Variants in EHMT1 observed in about 807,000 individuals in gnomAD.
EHMT1 encodes the protein histone-lysine N-methyltransferase EHMT1.
In EHMT1, 15 loss-of-function variants were observed where a neutral mutation model predicts 147.2. The observed-to-expected ratio is 0.10, with a 90% confidence interval of 0.07 to 0.16. The LOEUF is 0.16. EHMT1 is among the 10% of genes least tolerant of loss of function. EHMT1 has a pLI of 1.00. For missense variants in EHMT1, 1,587 were observed against 1,772.4 expected (o/e 0.90, Z 1.88); for synonymous variants, 795 against 709.6 (o/e 1.12, Z -1.91).
intron 25 of EHMT1, among the ~76,000 whole-genome samples, chr9:137,825,211 T>C (rs1420337003): frequency 6.6e-6 from 1 of 152,204 alleles, no homozygotes; most frequent in African/African-American, 2.4e-5. Flanking sequence ...CCTCACATTC[T>C]GTGGGCCAGA....
intron 4 of EHMT1, among the ~76,000 whole-genome samples, chr9:137,729,696 A>G (rs998127044): frequency 6.6e-6 from 1 of 152,152 alleles, no homozygotes; most frequent in African/African-American, 2.4e-5. Flanking sequence ...ACATGGCACA[A>G]TCTCGCCCCC....
At chr9:137,738,149 G>A (rs111478053) in intron 4 of EHMT1, among the ~76,000 whole-genome samples, 2,974 of 151,516 alleles carry the variant, frequency 0.02, 111 homozygotes, top group African/African-American at 0.068. Context: ...AGCCGAGATC[G>A]GACCACTGCA....
At chr9:137,645,507 A>G (rs975461446) in intron 1 of EHMT1, among the ~76,000 whole-genome samples, 10 of 152,198 alleles carry the variant, frequency 6.6e-5, no homozygotes, top group African/African-American at 1.4e-4. Context: ...CTTGTGTCCT[A>G]GTTTTGAGAA....
chr9:137,824,366 A>G lies in EHMT1; in HGVS notation c.3540+6228A>G, dbSNP rs568789888. 4.6e-5 allele frequency among the ~76,000 whole-genome samples: 7 copies of G among 152,236 alleles called. No individual in the cohort carries two copies. In the South Asian group the frequency reaches 1.5e-3, roughly 32 times the overall value. On this transcript the variant is annotated intron_variant, in intron 25 of 26. Coordinates refer to ENST00000460843, the MANE Select transcript of EHMT1 (RefSeq NM_024757.5). ...GTCTGGACCATGTTTTGTTCCTTTG[A>G]TCTATTTGCTGATCCTCAAACAATG...
intron 19 of EHMT1, 107 bp downstream of exon 19, chr9:137,811,722 G>A (rs946139208): frequency 7.0e-7 from 1 of 1,432,196 alleles, no homozygotes; most frequent in Non-Finnish European, 9.6e-7. Context: ...AGTGGACACA[G>A]GCCCTCTGTT....
chr9:137,832,054 C>G (rs1218104168), intron 25 of EHMT1, among the ~76,000 whole-genome samples: 1 of 151,654 alleles, frequency 6.6e-6, no homozygotes, highest in Non-Finnish European at 1.5e-5. Context: ...TGGCTGGGCT[C>G]CCTCCACAGG....
intron 1 of EHMT1, among the ~76,000 whole-genome samples, chr9:137,653,853 TAAGC>T (rs2133981127): frequency 6.6e-6 from 1 of 152,154 alleles, no homozygotes; most frequent in East Asian, 1.9e-4. Flanking sequence ...GTGCATAAAA[TAAGC>T]AAAGTGATTT....
chr9:137,812,866 T>C, intron 19 of EHMT1, 140 bp from the exon 20 acceptor site: 1 of 1,186,976 alleles, frequency 8.4e-7, no homozygotes. Context: ...GAGTCATTGC[T>C]GAGCAGACTT....
At chr9:137,628,315 T>C (rs1705853229) in intron 1 of EHMT1, among the ~76,000 whole-genome samples, 1 of 152,248 alleles carries the variant, frequency 6.6e-6, no homozygotes, top group Admixed American at 6.5e-5. Flanking sequence ...GGATTTCACA[T>C]GTCTTGGGGT....
At chr9:137,825,092 AG>A (rs1340499437) in intron 25 of EHMT1, among the ~76,000 whole-genome samples, 1 of 152,218 alleles carries the variant, frequency 6.6e-6, no homozygotes, top group East Asian at 1.9e-4. Context: ...CTGCAGGATG[AG>A]GCCTCTGCTT....
chr9:137,808,243 CTG>C (rs150107113), intron 18 of EHMT1, among the ~76,000 whole-genome samples: 6,384 of 152,210 alleles, frequency 0.042, 432 homozygotes, highest in African/African-American at 0.14. Context: ...GACCCACTTC[CTG>C]CCGGAAGTGC....
At chr9:137,800,584 C>T (rs1953389878) in intron 17 of EHMT1, 4 of 480,412 alleles carry the variant, frequency 8.3e-6, no homozygotes, top group East Asian at 3.9e-5. Flanking sequence ...TGGTGCGTCC[C>T]CAGTGAGTGG....
intron 15 of EHMT1, chr9:137,784,843 A>C (rs943964736): frequency 2.0e-5 from 3 of 153,062 alleles, no homozygotes; most frequent in African/African-American, 4.8e-5. Context: ...GGAGCCACGG[A>C]GGCTGCTGGG....
chr9:137,814,056 GCCCCCCCCCCCCC>G lies in EHMT1; in HGVS notation c.3181-372_3181-360del, dbSNP rs71387862. Among the ~76,000 whole-genome samples, 20 of 50,062 alleles carry G rather than the reference GCCCCCCCCCCCCC, an allele frequency of 4.0e-4. 1 individual carries two copies. The highest frequency in any genetic ancestry group is 6.4e-4 in the South Asian group (1 of 1,562). 32.8% of individuals were successfully genotyped at this position (50,062 alleles called of 152,430 possible). On this transcript the variant is annotated intron_variant, in intron 21 of 26. Coordinates refer to ENST00000460843, the MANE Select transcript of EHMT1 (RefSeq NM_024757.5). ...TCTTCCCAGGCCGGGCACTGCCCAG[GCCCCCCCCCCCCC>G]CCGCCCCCCGCCCCACAAGGTGTGT... is the stretch of plus-strand genomic sequence containing the variant.
intron 6 of EHMT1, chr9:137,745,631 C>A: frequency 2.5e-6 from 1 of 398,334 alleles, no homozygotes; most frequent in South Asian, 1.3e-4. Flanking sequence ...AGCAGCTACC[C>A]CAGCAGCTGC....
At position 137,811,504 on chromosome 9, in the gene EHMT1, T is replaced by A. The variant is rs755525365; in HGVS notation, c.2756T>A (p.Val919Glu). The A allele has an allele frequency of 1.2e-6, 2 of 1,612,190 alleles. No individual in the cohort carries two copies. The highest frequency in any genetic ancestry group is 4.5e-5 in the East Asian group (2 of 44,882). The change falls in exon 19 of 27, where the codon GTG becomes GAG. Residue 919 changes from valine (V) to glutamate (E), a missense_variant. Coordinates refer to ENST00000460843, the MANE Select transcript of EHMT1 (RefSeq NM_024757.5). ...CACTGGGCGGCGTTCTCCGGCTGCG[T>A]GGACATAGCCGAGATCCTGCTGGCT... ...CLHWAAFSGC[V>E]DIAEILLAAK...
intron 1 of EHMT1, among the ~76,000 whole-genome samples, chr9:137,679,263 T>C (rs1941704758): frequency 1.3e-5 from 2 of 152,302 alleles, no homozygotes; most frequent in South Asian, 4.2e-4. Flanking sequence ...AAATTGTTTG[T>C]TTCTGGAATT....
rs539118106 is a variant in EHMT1, at chr9:137,766,291, T to C, written c.1647+3471T>C. The stretch of plus-strand genomic sequence containing the variant: ...ATGGTGCTGATTTTATCATTTATTA[T>C]TCATTGTTCACTGGAATGGTTTTAT... On this transcript the variant is annotated intron_variant, in intron 10 of 26. Coordinates refer to ENST00000460843, the MANE Select transcript of EHMT1 (RefSeq NM_024757.5). Among the ~76,000 whole-genome samples the C allele has an allele frequency of 1.8e-4, 27 of 152,350 alleles. 1 individual carries two copies. The highest frequency in any genetic ancestry group is 1.7e-3 in the South Asian group (8 of 4,824).
chr9:137,785,473 T>TGAGGGTGGGGTGTGCTGAGCCCC (rs1564757546), intron 15 of EHMT1: 1 of 153,008 alleles, frequency 6.5e-6, no homozygotes, highest in African/African-American at 2.4e-5. Context: ...GCTGAGCCCA[T>TGAGGGTGGGGTGTGCTGAGCCCC]TCTCCATGTC....
Sources: allele counts gnomAD v4.1 joint callset (sites outside exome capture counted in the v4.1 genomes callset), GRCh38; gene constraint gnomAD v4.1.1; transcripts MANE v1.5; gene names NCBI Gene and HGNC (gene_info 2026-07-23, HGNC 2026-07-21).